The following ZNF592 variants were observed in gnomAD, a reference collection of about 807,000 sequenced individuals.
ZNF592 encodes the protein spinocerebellar ataxia, autosomal recessive 5.
A neutral mutation model predicts 80.3 loss-of-function variants in ZNF592; 11 were observed. That is an observed-to-expected ratio of 0.14 (90% CI 0.09 to 0.23). ZNF592 has a LOEUF of 0.23. Among genes scored for constraint, ZNF592 ranks in the 10% least tolerant of loss-of-function variants. The pLI is 1.00. For missense variants in ZNF592, 1,420 were observed against 1,633.9 expected (o/e 0.87, Z 2.26); for synonymous variants, 646 against 640.3 (o/e 1.01, Z -0.13).
intron 4 of ZNF592, among the ~76,000 whole-genome samples, chr15:84,788,179 G>A (rs893838587): frequency 6.6e-6 from 1 of 152,170 alleles, no homozygotes; most frequent in Non-Finnish European, 1.5e-5. Context: ...AACTTAAGGA[G>A]GCACAAAGTG....
rs367604113 is a variant in ZNF592 at position 84,762,439 on chromosome 15, C to T, written c.-258-2268C>T. 3.3e-5 allele frequency among the ~76,000 whole-genome samples: 5 copies of T among 152,114 alleles called. No individual in the cohort carries two copies. The South Asian group carries it at 1.0e-3, about 32-fold the overall frequency. On this transcript the variant is annotated intron_variant, in intron 1 of 10. Transcript: ENST00000560079. ...CGCAGATATCTGAGAAAAGAGCAAT[C>T]AGATTGGAGAAAAGAGCAAGTGCAA...
chr15:84,800,568 T>A (rs1963064374), intron 10 of ZNF592, among the ~76,000 whole-genome samples: 1 of 152,140 alleles, frequency 6.6e-6, no homozygotes, highest in African/African-American at 2.4e-5. Context: ...GTCTGGGAAG[T>A]CCTAAGAGCT....
chr15:84,797,695 G>A (rs947113315), intron 5 of ZNF592, among the ~76,000 whole-genome samples, 174 bp from the exon 6 acceptor site: 53 of 152,206 alleles, frequency 3.5e-4, no homozygotes, highest in Non-Finnish European at 6.5e-4. Context: ...CTAGACTGTA[G>A]CAAGCAGACC....
chr15:84,800,140 C>T (rs542821714), intron 10 of ZNF592, among the ~76,000 whole-genome samples, 163 bp downstream of exon 10: 1 of 152,308 alleles, frequency 6.6e-6, no homozygotes, highest in East Asian at 1.9e-4. Context: ...GCACTGGACA[C>T]AAGTAGGGGA....
intron 2 of ZNF592, among the ~76,000 whole-genome samples, chr15:84,765,535 GTTTT>G (rs71453265): frequency 1.1e-5 from 1 of 92,280 alleles, no homozygotes; most frequent in Non-Finnish European, 2.0e-5. Context: ...TGTTATTATT[GTTTT>G]TTTTTTTTTT....
chr15:84,768,230 CTT>C (rs995969490), intron 2 of ZNF592, among the ~76,000 whole-genome samples: 4 of 122,334 alleles, frequency 3.3e-5, no homozygotes, highest in Middle Eastern at 4.2e-3. Context: ...TTCTTTCTTT[CTT>C]TTTTTTTTTT....
intron 1 of ZNF592, among the ~76,000 whole-genome samples, chr15:84,752,687 C>T (rs1899047107): frequency 6.6e-6 from 1 of 152,102 alleles, no homozygotes; most frequent in African/African-American, 2.4e-5. Flanking sequence ...CACATACATC[C>T]CATGATAGAC....
intron 2 of ZNF592, among the ~76,000 whole-genome samples, chr15:84,777,802 C>T (rs1263404001): frequency 6.6e-6 from 1 of 150,898 alleles, no homozygotes; most frequent in Non-Finnish European, 1.5e-5. Flanking sequence ...CGGGTTTACG[C>T]CATTCCCCTG....
intron 2 of ZNF592, among the ~76,000 whole-genome samples, chr15:84,771,849 ATGTG>A (rs1962089859): frequency 1.3e-5 from 2 of 152,106 alleles, no homozygotes; most frequent in South Asian, 4.1e-4. Context: ...CAGGCCTCAG[ATGTG>A]TATTCAAGAG....
rs572688199 is a variant in ZNF592, at chr15:84,765,741, G to T, written c.-150+926G>T. Among the ~76,000 whole-genome samples, 5 of 152,020 alleles carry T rather than the reference G, an allele frequency of 3.3e-5. No individual in the cohort carries two copies. In the South Asian group the frequency reaches 8.3e-4, roughly 25 times the overall value. ...TTCAGTAGAGACGGGGTTTCACCAT[G>T]TTGGCCAGGATGGTCTCCATCTCTT... On this transcript the variant is annotated intron_variant, in intron 2 of 10. Coordinates refer to ENST00000560079, the MANE Select transcript of ZNF592 (RefSeq NM_014630.3).
chr15:84,750,086 G>C (rs1898970180), intron 1 of ZNF592, among the ~76,000 whole-genome samples: 1 of 152,242 alleles, frequency 6.6e-6, no homozygotes, highest in Non-Finnish European at 1.5e-5. Context: ...TGGATCGCCT[G>C]AGATCAGGAG....
At chr15:84,782,116 A>G (rs1962437316) in intron 3 of ZNF592, among the ~76,000 whole-genome samples, 1 of 152,246 alleles carries the variant, frequency 6.6e-6, no homozygotes, top group African/African-American at 2.4e-5. Flanking sequence ...ATAATTTTCT[A>G]GAGTTTATTC....
intron 5 of ZNF592, among the ~76,000 whole-genome samples, chr15:84,795,994 A>G (rs1454248351): frequency 2.6e-5 from 4 of 151,816 alleles, no homozygotes; most frequent in Admixed American, 6.6e-5. Flanking sequence ...GGCCGAGGTC[A>G]GTGGATCACC....
In ZNF592 at chr15:84,786,159, C is replaced by T. The variant is rs181266781; in HGVS notation, c.2220+1264C>T. ...ACTGTGCATGGGCTGGGGGTCTATGCCAACCAGGGGATGCCGGCAGAAGGG... is the reference window on the plus strand; with the variant it reads ...ACTGTGCATGGGCTGGGGGTCTATGTCAACCAGGGGATGCCGGCAGAAGGG... On this transcript the variant is annotated intron_variant, in intron 4 of 10. Transcript: ENST00000560079. Among the ~76,000 whole-genome samples, 60 of 152,242 alleles carry T rather than the reference C, an allele frequency of 3.9e-4. No individual in the cohort carries two copies. In the East Asian group the frequency reaches 0.011, roughly 28 times the overall value.
rs778913732 is a variant in ZNF592, at chr15:84,799,806, G to A, written c.3138-36G>A. The A allele has an allele frequency of 5.0e-6, 8 of 1,612,506 alleles. No individual in the cohort carries two copies. In the East Asian group the frequency reaches 6.7e-5, roughly 13 times the overall value. On this transcript the variant is annotated intron_variant, in intron 9 of 10. Coordinates refer to ENST00000560079, the MANE Select transcript of ZNF592 (RefSeq NM_014630.3). This position sits in a 1 kb window ranked among gnomAD's most constrained non-coding sequence, Gnocchi z 4.2. ...ATAGCACTGAGGGAGCCTGCGGCCC[G>A]GGCACTTACCTGACCTCTCCGCTGT...
At chr15:84,800,614 G>C (rs1963065250) in intron 10 of ZNF592, among the ~76,000 whole-genome samples, 1 of 152,204 alleles carries the variant, frequency 6.6e-6, no homozygotes, top group Admixed American at 6.5e-5. Context: ...AAACGTTCTT[G>C]CCTAATCAGA....
Position 84,790,902 on chromosome 15 carries a change from G to T in ZNF592, c.2399+19G>T. On this transcript the variant is annotated intron_variant, in intron 5 of 10. Transcript: ENST00000560079. ...GCTACAGGTGGGTGCTGCCTGGCTT[G>T]CTGTCCTGGTATTGCCCAATGGCTG... 6.2e-7 allele frequency: 1 copy of T among 1,614,144 alleles called. No individual in the cohort carries two copies. Among genetic ancestry groups the T allele is most frequent in the Non-Finnish European group, 8.5e-7 (1 of 1,180,026 alleles).
rs112070050 is a variant in ZNF592, at chr15:84,780,884, C to T, written c.-19-1773C>T. Among the ~76,000 whole-genome samples, 98 of 152,168 alleles carry T rather than the reference C, an allele frequency of 6.4e-4. 1 individual carries two copies. Among genetic ancestry groups the T allele is most frequent in the African/African-American group, 2.3e-3 (96 of 41,520 alleles). On this transcript the variant is annotated intron_variant, in intron 3 of 10. Coordinates refer to ENST00000560079, the MANE Select transcript of ZNF592 (RefSeq NM_014630.3). ...ACCCAACAGTAATTCCACTAGTCTG[C>T]GTAATCATTTTCATTTTTTAAAAAA...
In ZNF592 at chr15:84,783,092, C is replaced by G; in HGVS notation, c.417C>G (p.Asn139Lys). ...PPKSEPLPTF[N>K]QFSPISSPEP... ...AGTCAGAGCCATTACCCACCTTCAA[C>G]CAGTTCAGTCCAATCTCCAGCCCAG... Residue 139 changes from asparagine (N) to lysine (K), a missense_variant, in exon 4 of 11, where the codon AAC becomes AAG. Physicochemically the swap from Asn to Lys is moderately conservative, Grantham distance 94 (BLOSUM62 0). Around this residue, in one of 7 missense-constraint regions of ZNF592, gnomAD observed 373 missense variants for 355.5 expected, o/e 1.05. Transcript: ENST00000560079. The surrounding 1 kb of genome is among the most constrained non-coding windows in gnomAD (Gnocchi z 5.0). 6.2e-7 allele frequency: 1 copy of G among 1,614,164 alleles called. No individual in the cohort carries two copies. Among genetic ancestry groups the G allele is most frequent in the Non-Finnish European group, 8.5e-7 (1 of 1,180,032 alleles).
Sources: gnomAD v4.1 joint callset for allele counts (sites outside exome capture counted in the v4.1 genomes callset) on GRCh38, gnomAD v4.1.1 for gene constraint, gnomAD v4.1.1 regional missense constraint, Gnocchi (gnomAD v3.1) non-coding constraint, MANE v1.5 for transcripts, NCBI Gene and HGNC (gene_info 2026-07-23, HGNC 2026-07-21) for gene names.